KLKB1: variants seen among roughly 807,000 people sequenced by gnomAD.
KLKB1 encodes plasma kallikrein.
A neutral mutation model predicts 73.6 loss-of-function variants in KLKB1; 58 were observed. That is an observed-to-expected ratio of 0.79 (90% CI 0.64 to 0.98). KLKB1 has a LOEUF of 0.98. Ranked by LOEUF, KLKB1 falls within the 50% of genes least tolerant of loss-of-function variation. The pLI is 0.00. For synonymous variants in KLKB1, 280 were observed against 258.1 expected (o/e 1.08, Z -0.81); for missense variants, 737 against 763.8 (o/e 0.96, Z 0.41).
At chr4:186,224,095 C>T (rs149524849), upstream of KLKB1, among the ~76,000 whole-genome samples, 574 of 152,354 alleles carry the variant, frequency 3.8e-3, 4 homozygotes, top group African/African-American at 0.013. Context: ...CTTGGGTCTG[C>T]GAGTTCACAG....
intron 2 of KLKB1, among the ~76,000 whole-genome samples, chr4:186,219,533 T>C (rs1244530184): frequency 6.6e-6 from 1 of 152,070 alleles, no homozygotes; most frequent in Admixed American, 6.5e-5. Context: ...GGAAATAAAA[T>C]GAAGATATTT....
chr4:186,240,992 G>A (rs1738014260), intron 6 of KLKB1, among the ~76,000 whole-genome samples: 1 of 152,142 alleles, frequency 6.6e-6, no homozygotes, highest in African/African-American at 2.4e-5. Context: ...GCTCATCTGT[G>A]TACTTGCTTT....
chr4:186,225,423 C>CTTT (rs35336018), upstream of KLKB1, among the ~76,000 whole-genome samples: 104 of 106,644 alleles, frequency 9.8e-4, no homozygotes, highest in African/African-American at 3.7e-3. Flanking sequence ...GTGAGGATTT[C>CTTT]TTTTTTTTTT....
chr4:186,250,210 C>T (rs1239804407), intron 6 of KLKB1, 33 bp from the exon 7 acceptor site: 4 of 1,607,290 alleles, frequency 2.5e-6, no homozygotes, highest in Non-Finnish European at 3.4e-6. Flanking sequence ...CATGTCATTT[C>T]CTAAGGAACA....
intron 7 of KLKB1, 85 bp from the exon 8 acceptor site, chr4:186,251,134 T>C: frequency 2.3e-6 from 2 of 853,264 alleles, no homozygotes; most frequent in Non-Finnish European, 3.9e-6. Context: ...GCGTTGCTTT[T>C]TGGGTGTGAG....
chr4:186,236,521 G>T (rs983778079), intron 4 of KLKB1, among the ~76,000 whole-genome samples: 1 of 152,120 alleles, frequency 6.6e-6, no homozygotes, highest in Admixed American at 6.5e-5. Flanking sequence ...CTGTATTGCT[G>T]CATGCATCTT....
In KLKB1 at chr4:186,252,182, A is replaced by G. The variant is rs758423124; in HGVS notation, c.1310A>G (p.Asp437Gly). ...QWVLTAAHCF[D>G]GLPLQDVWRI... Reference sequence around the variant, plus strand: ...GTCCTCACTGCTGCCCACTGCTTTGATGGGTAAGTGTTGGATGCATCTCAT... The same window carrying G: ...GTCCTCACTGCTGCCCACTGCTTTGGTGGGTAAGTGTTGGATGCATCTCAT... Residue 437 changes from aspartate to glycine, a missense_variant, in exon 11 of 15, where the codon GAT (aspartate) becomes GGT (glycine). Transcript: ENST00000264690. 3.7e-6 allele frequency: 6 copies of G among 1,613,482 alleles called. No homozygotes were observed. The highest frequency in any genetic ancestry group is 4.2e-6 in the Non-Finnish European group (5 of 1,179,968).
intron 6 of KLKB1, 102 bp from the exon 7 acceptor site, chr4:186,250,141 A>C (rs1738585939): frequency 9.0e-7 from 1 of 1,109,212 alleles, no homozygotes; most frequent in South Asian, 1.2e-5. Flanking sequence ...TAGTACTATG[A>C]ATAATAAATA....
upstream of KLKB1, among the ~76,000 whole-genome samples, chr4:186,222,414 G>T (rs1270637946): frequency 6.6e-6 from 1 of 152,016 alleles, no homozygotes; most frequent in Non-Finnish European, 1.5e-5. Context: ...TTCTCTTTAT[G>T]TTTTGTATAT....
At chr4:186,257,599 A>C (rs1415268916) in intron 14 of KLKB1, among the ~76,000 whole-genome samples, 1 of 149,166 alleles carries the variant, frequency 6.7e-6, no homozygotes, top group Non-Finnish European at 1.5e-5. Context: ...ATATACATGC[A>C]ATAATTGTGC....
At chr4:186,235,974 C>G (rs896920385) in intron 4 of KLKB1, among the ~76,000 whole-genome samples, 12 of 151,350 alleles carry the variant, frequency 7.9e-5, no homozygotes, top group African/African-American at 2.7e-4. Context: ...ATTAGCCGGG[C>G]GTGGTGGCGC....
At chr4:186,216,790 A>G (rs971879305) in intron 2 of KLKB1, among the ~76,000 whole-genome samples, 9 of 152,166 alleles carry the variant, frequency 5.9e-5, no homozygotes, top group Non-Finnish European at 1.0e-4. Context: ...CCTGCTGTCA[A>G]TCCCTCTTAA....
intron 1 of KLKB1, 115 bp from the exon 2 acceptor site, chr4:186,228,080 G>A (rs1737230790): frequency 4.3e-6 from 3 of 703,820 alleles, no homozygotes; most frequent in South Asian, 3.1e-5. Flanking sequence ...ACCAGTAATT[G>A]TGTGCTTTGT....
At chr4:186,215,947 T>C (rs920785946) in intron 2 of KLKB1, among the ~76,000 whole-genome samples, 6 of 152,196 alleles carry the variant, frequency 3.9e-5, no homozygotes, top group African/African-American at 1.4e-4. Context: ...TGGTTTATTA[T>C]TACCAAAAGC....
In KLKB1 at chr4:186,238,266, C is replaced by T. The variant is rs772735693; in HGVS notation, c.499C>T (p.Leu167=). The T allele has an allele frequency of 1.2e-6, 2 of 1,610,284 alleles. No individual in the cohort carries two copies. Residue 167 remains leucine (L), a synonymous_variant, in exon 6 of 15, where the codon CTA becomes TTA. Coordinates refer to ENST00000264690, the MANE Select transcript of KLKB1 (RefSeq NM_000892.5). Reference sequence around the variant, plus strand: ...TTTCTTCCCATTCAGGAACAATTGCCTATTAAAGTACAGTCCCGGAGGAAC... The same window carrying T: ...TTTCTTCCCATTCAGGAACAATTGCTTATTAAAGTACAGTCCCGGAGGAAC... ...FHKAEYRNNC[L]LKYSPGGTPT...
intron 2 of KLKB1, among the ~76,000 whole-genome samples, chr4:186,230,167 G>T (rs944099714): frequency 6.6e-6 from 1 of 152,040 alleles, no homozygotes; most frequent in African/African-American, 2.4e-5. Context: ...GATTTCATTT[G>T]TTTTCAAGCC....
intron 11 of KLKB1, among the ~76,000 whole-genome samples, chr4:186,254,007 A>G (rs1372878286): frequency 6.6e-6 from 1 of 151,848 alleles, no homozygotes; most frequent in Non-Finnish European, 1.5e-5. Context: ...TAATTTTTGT[A>G]TTTTTAGTAG....
intron 6 of KLKB1, among the ~76,000 whole-genome samples, chr4:186,247,594 G>A (rs541950997): frequency 6.6e-6 from 1 of 152,282 alleles, no homozygotes; most frequent in African/African-American, 2.4e-5. Flanking sequence ...ATTTAACATG[G>A]ATAAATGTAA....
intron 6 of KLKB1, among the ~76,000 whole-genome samples, chr4:186,249,764 A>G (rs1001024970): frequency 3.9e-5 from 6 of 152,240 alleles, no homozygotes; most frequent in African/African-American, 7.2e-5. Flanking sequence ...CAACTAAAAC[A>G]AAACTAAGAT....
Sources: allele counts gnomAD v4.1 joint callset (sites outside exome capture counted in the v4.1 genomes callset), GRCh38; gene constraint gnomAD v4.1.1; transcripts MANE v1.5; gene names NCBI Gene and HGNC (gene_info 2026-07-23, HGNC 2026-07-21).